The following GRIK4 variants were observed in gnomAD, a reference collection of about 807,000 sequenced individuals.
The protein encoded by GRIK4 is glutamate ionotropic receptor kainate type subunit 4.
GRIK4 carries 40 observed loss-of-function variants against 104.9 expected under a neutral mutation model. The ratio of observed to expected loss-of-function variants is 0.38; its 90% CI spans 0.30 to 0.50. GRIK4 has a LOEUF of 0.50. Among genes scored for constraint, GRIK4 ranks in the 20% least tolerant of loss-of-function variants. GRIK4 has a pLI of 0.93. For missense variants in GRIK4, 1,047 were observed against 1,308.1 expected (o/e 0.80, Z 3.08); for synonymous variants, 485 against 524.9 (o/e 0.92, Z 1.04).
intron 3 of GRIK4, among the ~76,000 whole-genome samples, chr11:120,753,311 G>GTGTGTGTGTGTGTA (rs1951591131): frequency 9.3e-6 from 1 of 107,028 alleles, no homozygotes; most frequent in African/African-American, 3.5e-5. Flanking sequence ...GTGTGTGTGT[G>GTGTGTGTGTGTGTA]TGTGTGTGTG....
chr11:120,751,121 C>A (rs1022623813), intron 3 of GRIK4, among the ~76,000 whole-genome samples: 9 of 152,062 alleles, frequency 5.9e-5, no homozygotes, highest in African/African-American at 2.2e-4. Context: ...CGATTCTTTT[C>A]ACCTTGGCAT....
intron 1 of GRIK4, among the ~76,000 whole-genome samples, chr11:120,595,747 C>T (rs2135120365): frequency 6.6e-6 from 1 of 152,354 alleles, no homozygotes; most frequent in Non-Finnish European, 1.5e-5. Context: ...CCACTTCTTC[C>T]TGGAAGCATC....
intron 3 of GRIK4, among the ~76,000 whole-genome samples, chr11:120,718,921 C>G (rs529077987): frequency 1.3e-5 from 2 of 152,294 alleles, no homozygotes; most frequent in East Asian, 3.9e-4. Context: ...TTTTTAAGAA[C>G]AAGAGTTATT....
rs142142204 is a variant in GRIK4, at chr11:120,788,229, C to T, written c.83-14464C>T. Reference sequence around the variant, plus strand: ...GGGAATATAGGCTGAGCCACAAAAACAAAGGGACCTGAAAATGTAGTAGCT... The same window carrying T: ...GGGAATATAGGCTGAGCCACAAAAATAAAGGGACCTGAAAATGTAGTAGCT... On this transcript the variant is annotated intron_variant, in intron 3 of 20. Coordinates refer to ENST00000527524, the MANE Select transcript of GRIK4 (RefSeq NM_014619.5). 7.7e-3 allele frequency among the ~76,000 whole-genome samples: 1,165 copies of T among 152,244 alleles called. 17 individuals carry two copies. Among genetic ancestry groups the T allele is most frequent in the African/African-American group, 0.027 (1,102 of 41,538 alleles).
chr11:120,797,309 T>C (rs1185770929), intron 3 of GRIK4, among the ~76,000 whole-genome samples: 1 of 152,134 alleles, frequency 6.6e-6, no homozygotes, highest in East Asian at 1.9e-4. Context: ...ATATTATTCC[T>C]CATTAGGCAG....
chr11:120,586,939 A>G (rs1948673515), intron 1 of GRIK4, among the ~76,000 whole-genome samples: 1 of 152,194 alleles, frequency 6.6e-6, no homozygotes, highest in African/African-American at 2.4e-5. Flanking sequence ...TGCCTCATCC[A>G]TTGGCCTAAT....
At chr11:120,527,023 C>A (rs572747097) in intron 1 of GRIK4, among the ~76,000 whole-genome samples, 1 of 152,240 alleles carries the variant, frequency 6.6e-6, no homozygotes, top group Non-Finnish European at 1.5e-5. Context: ...CTCAACAACT[C>A]ACATTTTACA....
At chr11:120,768,383 A>AT (rs1436752131) in intron 3 of GRIK4, among the ~76,000 whole-genome samples, 23 of 151,950 alleles carry the variant, frequency 1.5e-4, no homozygotes, top group Admixed American at 6.6e-5. Context: ...AATGCCGCTG[A>AT]TTTTTGTTTA....
At chr11:120,848,114 G>A (rs946927972) in intron 8 of GRIK4, among the ~76,000 whole-genome samples, 1 of 152,204 alleles carries the variant, frequency 6.6e-6, no homozygotes, top group Non-Finnish European at 1.5e-5. Flanking sequence ...TCCAAGTCAT[G>A]AGAAACTCCC....
At chr11:120,831,724 G>T in intron 6 of GRIK4, 128 bp from the exon 7 acceptor site, 1 of 647,268 alleles carries the variant, frequency 1.5e-6, no homozygotes, top group South Asian at 2.0e-5. Flanking sequence ...TCTCCTTAAT[G>T]CTGTCAGTGG....
chr11:120,608,736 C>T (rs979974731), intron 1 of GRIK4, among the ~76,000 whole-genome samples: 2 of 152,184 alleles, frequency 1.3e-5, no homozygotes, highest in Admixed American at 1.3e-4. Context: ...AGAAGGTGCC[C>T]CAGAAGCTGA....
intron 9 of GRIK4, among the ~76,000 whole-genome samples, chr11:120,867,656 A>C (rs1954460922): frequency 6.6e-6 from 1 of 151,980 alleles, no homozygotes; most frequent in African/African-American, 2.4e-5. Context: ...CCCCGTTCTA[A>C]GGGCACTGAG....
intron 19 of GRIK4, among the ~76,000 whole-genome samples, chr11:120,976,038 C>T (rs1032540227): frequency 3.3e-5 from 5 of 152,174 alleles, no homozygotes; most frequent in Admixed American, 6.5e-5. Context: ...ACAGAGCATT[C>T]GCTTTGGAAT....
chr11:120,843,417 A>G (rs775712697), intron 8 of GRIK4, among the ~76,000 whole-genome samples: 2 of 152,244 alleles, frequency 1.3e-5, no homozygotes, highest in Non-Finnish European at 2.9e-5. Flanking sequence ...GTACATCAGC[A>G]GGAGGCCTCA....
chr11:120,747,318 C>G (rs571444226), intron 3 of GRIK4, among the ~76,000 whole-genome samples: 1 of 152,332 alleles, frequency 6.6e-6, no homozygotes, highest in East Asian at 1.9e-4. Flanking sequence ...AACTGCACGT[C>G]CCAACAGGCA....
At chr11:120,755,426 T>A (rs1430251519) in intron 3 of GRIK4, among the ~76,000 whole-genome samples, 2 of 152,008 alleles carry the variant, frequency 1.3e-5, no homozygotes, top group Non-Finnish European at 2.9e-5. Context: ...GGCAACCTAG[T>A]GAGACCTCAT....
At chr11:120,887,248 C>A (rs1359361886) in intron 11 of GRIK4, among the ~76,000 whole-genome samples, 1 of 152,168 alleles carries the variant, frequency 6.6e-6, no homozygotes, top group African/African-American at 2.4e-5. Flanking sequence ...ACATCAGTGG[C>A]CACCTGCCTC....
intron 11 of GRIK4, among the ~76,000 whole-genome samples, chr11:120,889,589 ATTTTTTTTTTTTT>A (rs369264259): frequency 4.2e-4 from 26 of 62,498 alleles, no homozygotes; most frequent in Admixed American, 1.8e-3. Context: ...AAGAGCTTAC[ATTTTTTTTTTTTT>A]TTTTTTTTTT....
At chr11:120,840,137 C>G (rs1313517088) in intron 8 of GRIK4, among the ~76,000 whole-genome samples, 1 of 152,108 alleles carries the variant, frequency 6.6e-6, no homozygotes, top group Admixed American at 6.5e-5. Context: ...GGAAGCTGGG[C>G]TCAGTGACAG....
Sources: allele counts gnomAD v4.1 joint callset (sites outside exome capture counted in the v4.1 genomes callset), GRCh38; gene constraint gnomAD v4.1.1; transcripts MANE v1.5; gene names NCBI Gene and HGNC (gene_info 2026-07-23, HGNC 2026-07-21).